The following DNAJC6 variants were observed in gnomAD, a reference collection of about 807,000 sequenced individuals.
DNAJC6 encodes the protein DnaJ heat shock protein family (Hsp40) member C6.
A neutral mutation model predicts 110.0 loss-of-function variants in DNAJC6; 34 were observed. The observed-to-expected ratio is 0.31, with a 90% CI of 0.24 to 0.41. The LOEUF (loss-of-function observed/expected upper bound fraction) is 0.41, where lower values mean the gene tolerates loss of function less well. DNAJC6 is among the 10% of genes least tolerant of loss of function. The probability of loss-of-function intolerance (pLI) is 1.00; values close to 1 mark genes in which losing one functional copy is unlikely to be tolerated. For synonymous variants in DNAJC6, 406 were observed against 437.2 expected, an observed-to-expected ratio of 0.93 and a Z score of 0.89; for missense variants, 1,031 against 1,207.8, an observed-to-expected ratio of 0.85 and a Z score of 2.17.
chr1:65,385,326 A>G (rs1308162030), intron 6 of DNAJC6, among the ~76,000 whole-genome samples: 1 of 152,224 alleles, frequency 6.6e-6, no homozygotes. Context: ...TTTAAAAACT[A>G]CATCTCCTTA....
At chr1:65,412,858 G>GA (rs1324290353) in intron 18 of DNAJC6, 66 bp from the exon 19 acceptor site, 1 of 1,367,854 alleles carries the variant, frequency 7.3e-7, no homozygotes, top group East Asian at 2.3e-5. Flanking sequence ...TATTGGCAGT[G>GA]AAAAATTTAA....
chr1:65,314,281 C>T (rs1428853771), intron 1 of DNAJC6, among the ~76,000 whole-genome samples: 1 of 151,646 alleles, frequency 6.6e-6, no homozygotes, highest in African/African-American at 2.4e-5. Flanking sequence ...CAAAAATTAC[C>T]TTTAACAAAT....
rs138602085 is a variant in DNAJC6 at position 65,405,077 on chromosome 1, C to G, written c.2228-793C>G. Among the ~76,000 whole-genome samples the G allele has an allele frequency of 5.3e-5, 8 of 152,250 alleles. No homozygotes were observed. The East Asian group carries it at 1.5e-3, about 29-fold the overall frequency. On this transcript the variant is annotated intron_variant, in intron 15 of 18. Transcript: ENST00000371069. The stretch of plus-strand genomic sequence containing the variant: ...GCACATTTCAGTTTTCTCATTTTAC[C>G]TCTTTAAATGCAAGCCACAGCTGGT...
intron 2 of DNAJC6, 148 bp downstream of exon 2, chr1:65,364,933 A>T: frequency 8.6e-7 from 1 of 1,165,054 alleles, no homozygotes; most frequent in Non-Finnish European, 1.2e-6. Context: ...CATTGAAGAC[A>T]TAAAGTTAAG....
At position 65,394,877 on chromosome 1, in the gene DNAJC6, TA is replaced by T. The variant is rs1348596517; in HGVS notation, c.1904-20del. On this transcript the variant is annotated intron_variant, in intron 12 of 18. Coordinates refer to ENST00000371069, the MANE Select transcript of DNAJC6 (RefSeq NM_001256864.2). Reference sequence around the variant, plus strand: ...AATGAACTCATGGGACAAATAAATATATTTTCCCATTGTTTTCTAGGTGCCA... The same window carrying T: ...AATGAACTCATGGGACAAATAAATATTTTTCCCATTGTTTTCTAGGTGCCA... The T allele has an allele frequency of 6.4e-7, 1 of 1,567,168 alleles. No homozygotes were observed. Among genetic ancestry groups the T allele is most frequent in the Non-Finnish European group, 8.6e-7 (1 of 1,160,542 alleles).
chr1:65,292,441 T>G (rs1644887468), intron 1 of DNAJC6, among the ~76,000 whole-genome samples: 1 of 152,014 alleles, frequency 6.6e-6, no homozygotes, highest in Admixed American at 6.6e-5. Context: ...ACTTTTTTCT[T>G]TTTTCCTGAG....
chr1:65,375,759 T>G (rs1341188378), intron 4 of DNAJC6, among the ~76,000 whole-genome samples: 1 of 152,188 alleles, frequency 6.6e-6, no homozygotes, highest in African/African-American at 2.4e-5. Flanking sequence ...TGGTGAATGA[T>G]CTATTTAATG....
At chr1:65,318,335 G>C (rs1340767291) in intron 1 of DNAJC6, among the ~76,000 whole-genome samples, 1 of 151,982 alleles carries the variant, frequency 6.6e-6, no homozygotes, top group East Asian at 1.9e-4. Context: ...AGAGGAATAG[G>C]TCCATGAAGG....
At chr1:65,411,473 A>C (rs374278629) in intron 18 of DNAJC6, 47 bp downstream of exon 18, 1 of 1,561,266 alleles carries the variant, frequency 6.4e-7, no homozygotes, top group African/African-American at 1.4e-5. Flanking sequence ...TCCTTGCTTC[A>C]TTATCTTATG....
chr1:65,374,913 G>C (rs1185074781), intron 4 of DNAJC6, among the ~76,000 whole-genome samples: 2 of 151,900 alleles, frequency 1.3e-5, no homozygotes, highest in African/African-American at 4.8e-5. Flanking sequence ...GTTAGCCATG[G>C]ATTTGTCATA....
Position 65,389,375 on chromosome 1 carries a change from A to G in DNAJC6, c.1313A>G (p.Tyr438Cys). 2 of 1,614,176 alleles carry G rather than the reference A, an allele frequency of 1.2e-6. No homozygotes were observed. The highest frequency in any genetic ancestry group is 1.7e-6 in the Non-Finnish European group (2 of 1,180,014). ...GACTTAACTCCACCATGGGAACATT[A>G]CTGCACAAAAGATGTCAATCCCAGC... Reference protein sequence around the residue: ...VIDLTPPWEHYCTKDVNPSIL... With the variant: ...VIDLTPPWEHCCTKDVNPSIL... The change falls in exon 10 of 19, where the codon TAC becomes TGC. Residue 438 changes from tyrosine (Y) to cysteine (C), a missense_variant. By Grantham distance (194) the Tyr-to-Cys change is radical (BLOSUM62 -2). Transcript: ENST00000371069.
chr1:65,277,108 C>G (rs1474725814), intron 1 of DNAJC6, among the ~76,000 whole-genome samples: 1 of 152,116 alleles, frequency 6.6e-6, no homozygotes, highest in Non-Finnish European at 1.5e-5. Context: ...ACAACCTACT[C>G]TATTAAAGCT....
intron 1 of DNAJC6, among the ~76,000 whole-genome samples, chr1:65,325,353 G>T (rs1400970802): frequency 1.3e-5 from 2 of 152,214 alleles, no homozygotes; most frequent in East Asian, 3.8e-4. Flanking sequence ...GTATATTATT[G>T]TGGTTAAGAA....
chr1:65,340,812 GC>G (rs1255258335), intron 1 of DNAJC6, among the ~76,000 whole-genome samples: 1 of 152,162 alleles, frequency 6.6e-6, no homozygotes, highest in Non-Finnish European at 1.5e-5. Context: ...TAGGGCTGTG[GC>G]TGTGTTATTA....
At position 65,299,823 on chromosome 1, in the gene DNAJC6, G is replaced by A. The variant is rs189161448; in HGVS notation, c.-131+34891G>A. Among the ~76,000 whole-genome samples the A allele has an allele frequency of 2.9e-3, 437 of 152,182 alleles. 1 individual carries two copies. The highest frequency in any genetic ancestry group is 4.6e-3 in the Non-Finnish European group (312 of 68,008). On this transcript the variant is annotated intron_variant, in intron 1 of 19. Coordinates refer to the DNAJC6 transcript ENST00000263441. ...CCAGCACTTTGGGAGGCCGAGGTAG[G>A]CGGATCACCTGAGGTCAAGAGTTTG... is the stretch of plus-strand genomic sequence containing the variant.
intron 1 of DNAJC6, among the ~76,000 whole-genome samples, chr1:65,337,396 A>G (rs994082377): frequency 6.6e-6 from 1 of 151,916 alleles, no homozygotes; most frequent in African/African-American, 2.4e-5. Context: ...CAAACAAAGG[A>G]AAAAGGCTTG....
intron 1 of DNAJC6, among the ~76,000 whole-genome samples, chr1:65,333,667 G>A (rs1645308942): frequency 6.6e-6 from 1 of 151,698 alleles, no homozygotes; most frequent in South Asian, 2.1e-4. Context: ...CAATGACTTA[G>A]GATTTTTTTT....
intron 1 of DNAJC6, among the ~76,000 whole-genome samples, chr1:65,319,264 A>G (rs1475319227): frequency 1.3e-5 from 2 of 152,246 alleles, no homozygotes; most frequent in Admixed American, 6.5e-5. Flanking sequence ...GAATACTGTT[A>G]GCTTGGCACA....
intron 1 of DNAJC6, among the ~76,000 whole-genome samples, chr1:65,277,992 G>A (rs1653728167): frequency 6.6e-6 from 1 of 152,208 alleles, no homozygotes; most frequent in East Asian, 1.9e-4. Context: ...TAGGAAGTGG[G>A]GAACAAGGGA....
Sources: allele counts gnomAD v4.1 joint callset (sites outside exome capture counted in the v4.1 genomes callset), GRCh38; gene constraint gnomAD v4.1.1; transcripts MANE v1.5; gene names NCBI Gene and HGNC (gene_info 2026-07-23, HGNC 2026-07-21).